Variants in PTPRN2 observed in about 807,000 individuals in gnomAD.
PTPRN2 encodes the protein protein tyrosine phosphatase receptor type N2.
PTPRN2 carries 74 observed loss-of-function variants against 118.8 expected under a neutral mutation model. That is an observed-to-expected ratio of 0.62 (90% CI 0.52 to 0.76). The LOEUF (loss-of-function observed/expected upper bound fraction) is 0.76, where lower values mean the gene tolerates loss of function less well. Ranked by LOEUF, PTPRN2 falls within the 30% of genes least tolerant of loss-of-function variation. PTPRN2 has a pLI of 0.00. For missense variants in PTPRN2, 1,481 were observed against 1,394.4 expected (o/e 1.06, Z -0.99); for synonymous variants, 641 against 608.0 (o/e 1.05, Z -0.80).
At chr7:157,695,908 C>A (rs1453774864) in intron 12 of PTPRN2, among the ~76,000 whole-genome samples, 2 of 151,852 alleles carry the variant, frequency 1.3e-5, no homozygotes, top group East Asian at 3.9e-4. Context: ...CTTGGCAGAG[C>A]CCTCACCATC....
At chr7:157,635,655 C>T (rs1804267008) in intron 14 of PTPRN2, among the ~76,000 whole-genome samples, 1 of 152,244 alleles carries the variant, frequency 6.6e-6, no homozygotes, top group Non-Finnish European at 1.5e-5. Flanking sequence ...AGCTTACAGA[C>T]TCTCACCCCA....
intron 11 of PTPRN2, among the ~76,000 whole-genome samples, chr7:157,928,670 C>G (rs940520008): frequency 7.9e-6 from 1 of 127,068 alleles, no homozygotes; most frequent in Non-Finnish European, 1.6e-5. Context: ...GTGCAAGTTC[C>G]GACTATGAAG....
chr7:157,786,644 G>A (rs1309038922), intron 12 of PTPRN2, among the ~76,000 whole-genome samples: 1 of 152,248 alleles, frequency 6.6e-6, no homozygotes. Flanking sequence ...GGACGGTGAG[G>A]CGCTGCCGGT....
At chr7:157,878,577 T>C (rs199643242) in intron 12 of PTPRN2, among the ~76,000 whole-genome samples, 64 of 108,248 alleles carry the variant, frequency 5.9e-4, no homozygotes, top group East Asian at 1.4e-3. Context: ...ACTTACTCAC[T>C]GAGGAGCTCT....
intron 12 of PTPRN2, among the ~76,000 whole-genome samples, chr7:157,698,469 C>A (rs1490465052): frequency 6.6e-6 from 1 of 152,212 alleles, no homozygotes; most frequent in African/African-American, 2.4e-5. Context: ...GCTTATAAAC[C>A]AAGTATGTGT....
intron 1 of PTPRN2, among the ~76,000 whole-genome samples, chr7:158,582,473 C>T (rs1828677328): frequency 6.6e-6 from 1 of 151,906 alleles, no homozygotes; most frequent in African/African-American, 2.4e-5. Context: ...AATCCCAGCA[C>T]TTTGAGAGGC....
intron 12 of PTPRN2, among the ~76,000 whole-genome samples, chr7:157,718,012 G>A (rs1355968654): frequency 6.6e-6 from 1 of 152,260 alleles, no homozygotes; most frequent in African/African-American, 2.4e-5. Context: ...TCCCCAGAAA[G>A]CCACGTCTCC....
At chr7:157,803,301 T>G (rs923570706) in intron 12 of PTPRN2, among the ~76,000 whole-genome samples, 2 of 152,182 alleles carry the variant, frequency 1.3e-5, no homozygotes, top group Admixed American at 6.5e-5. Context: ...TTATCCGTTA[T>G]GTGGTATGCA....
At chr7:158,072,997 C>T (rs1013388751) in intron 11 of PTPRN2, among the ~76,000 whole-genome samples, 2 of 152,158 alleles carry the variant, frequency 1.3e-5, no homozygotes, top group Admixed American at 1.3e-4. Flanking sequence ...AGGCTTGTGA[C>T]CTGGTGCAGC....
intron 12 of PTPRN2, among the ~76,000 whole-genome samples, chr7:157,846,025 T>C (rs1249566816): frequency 1.3e-5 from 2 of 152,090 alleles, no homozygotes; most frequent in East Asian, 3.9e-4. Context: ...TAAAATTTGA[T>C]CAAATCAAGT....
At chr7:158,149,438 AG>A (rs1373091751) in intron 6 of PTPRN2, among the ~76,000 whole-genome samples, 1 of 136,624 alleles carries the variant, frequency 7.3e-6, no homozygotes, top group African/African-American at 2.9e-5. Flanking sequence ...TTTTCTCAAG[AG>A]GTAAAAAAAA....
At chr7:158,185,513 C>T (rs959937461) in intron 5 of PTPRN2, among the ~76,000 whole-genome samples, 1 of 152,112 alleles carries the variant, frequency 6.6e-6, no homozygotes, top group Non-Finnish European at 1.5e-5. Context: ...TCATATATTT[C>T]CTTTATGTAT....
At chr7:158,020,695 A>AC (rs1457865540) in intron 11 of PTPRN2, among the ~76,000 whole-genome samples, 1 of 152,204 alleles carries the variant, frequency 6.6e-6, no homozygotes, top group Non-Finnish European at 1.5e-5. Context: ...ACCAGCCAAC[A>AC]CCCAATGATT....
Position 157,965,219 on chromosome 7 carries a change from T to G in PTPRN2, c.1724-66482A>C, listed in dbSNP as rs111904916. ...TTTTTGACTCCATATGTATGAAGAT[T>G]ACCATATTTCATCAATTTCAAGACG... On this transcript the variant is annotated intron_variant, in intron 11 of 22. Transcript: ENST00000389418. 2.0e-5 allele frequency among the ~76,000 whole-genome samples: 3 copies of G among 152,158 alleles called. No individual in the cohort carries two copies. In the East Asian group the frequency reaches 5.8e-4, roughly 29 times the overall value.
At chr7:157,718,398 G>C (rs184271463) in intron 12 of PTPRN2, among the ~76,000 whole-genome samples, 1 of 152,334 alleles carries the variant, frequency 6.6e-6, no homozygotes, top group Admixed American at 6.5e-5. Context: ...GCCAGCACAG[G>C]TCAGGCTGGA....
chr7:158,117,444 T>C (rs1465888484), intron 9 of PTPRN2, among the ~76,000 whole-genome samples: 2 of 152,014 alleles, frequency 1.3e-5, no homozygotes, highest in African/African-American at 2.4e-5. Context: ...AGAACCAGTA[T>C]ATGAATTGTG....
intron 15 of PTPRN2, among the ~76,000 whole-genome samples, chr7:157,612,666 C>T (rs1802440506): frequency 6.6e-6 from 1 of 152,232 alleles, no homozygotes; most frequent in South Asian, 2.1e-4. Flanking sequence ...GCAGGGCAGA[C>T]TGTGCCAAGC....
intron 2 of PTPRN2, among the ~76,000 whole-genome samples, chr7:158,385,372 T>C (rs959055632): frequency 2.6e-5 from 4 of 152,194 alleles, no homozygotes; most frequent in Non-Finnish European, 5.9e-5. Context: ...TTGAAAGGAT[T>C]TGAAGAAACA....
intron 2 of PTPRN2, among the ~76,000 whole-genome samples, chr7:158,425,620 GA>G (rs1214831429): frequency 8.1e-6 from 1 of 122,970 alleles, no homozygotes; most frequent in Non-Finnish European, 1.6e-5. Context: ...CCCAGAGTCC[GA>G]GTCCAGCCTA....
Sources: gnomAD v4.1 joint callset for allele counts (sites outside exome capture counted in the v4.1 genomes callset) on GRCh38, gnomAD v4.1.1 for gene constraint, MANE v1.5 for transcripts, NCBI Gene and HGNC (gene_info 2026-07-23, HGNC 2026-07-21) for gene names.